PTPRZ1: variants seen among roughly 807,000 people sequenced by gnomAD.
PTPRZ1 encodes protein tyrosine phosphatase receptor type Z1.
Under a neutral mutation model 214.1 loss-of-function variants are expected in PTPRZ1, and 82 were observed. The ratio of observed to expected loss-of-function variants is 0.38; its 90% CI spans 0.32 to 0.46. The LOEUF (loss-of-function observed/expected upper bound fraction) is 0.46, where lower values mean the gene tolerates loss of function less well. Among genes scored for constraint, PTPRZ1 ranks in the 20% least tolerant of loss-of-function variants. The probability of loss-of-function intolerance (pLI) is 1.00; values close to 1 mark genes in which losing one functional copy is unlikely to be tolerated. For synonymous variants in PTPRZ1, 945 were observed against 987.9 expected (o/e 0.96, Z 0.81); for missense variants, 2,603 against 2,748.7 (o/e 0.95, Z 1.19).
At chr7:122,041,509 G>GT (rs1799733366) in intron 21 of PTPRZ1, among the ~76,000 whole-genome samples, 1 of 147,932 alleles carries the variant, frequency 6.8e-6, no homozygotes, top group Admixed American at 6.6e-5. Flanking sequence ...TACATTGAAT[G>GT]TATTGTCAAT....
At position 121,873,303 on chromosome 7, in the gene PTPRZ1, G is replaced by C. The variant is rs1478798359; in HGVS notation, c.-197G>C. 1.5e-5 allele frequency: 8 copies of C among 541,546 alleles called. No homozygotes were observed. Among genetic ancestry groups the C allele is most frequent in the East Asian group, 1.2e-4 (4 of 33,532 alleles). The allele number at this position is 541,546 out of a possible 1,614,324, so 33.5% of individuals were successfully genotyped here. ...TCGCTGTCTCTGACTGTCTCTCTCT[G>C]TCTCTGTCTCTGTCTCTCTCTCTCT... On this transcript the variant is annotated 5_prime_UTR_variant, in exon 1 of 30. Coordinates refer to ENST00000393386, the MANE Select transcript of PTPRZ1 (RefSeq NM_002851.3).
At chr7:121,971,687 A>G (rs186161372) in intron 3 of PTPRZ1, among the ~76,000 whole-genome samples, 22 of 152,312 alleles carry the variant, frequency 1.4e-4, no homozygotes, top group Admixed American at 2.0e-4. Flanking sequence ...TTCATGGTAC[A>G]TCGTAAGTGA....
intron 13 of PTPRZ1, among the ~76,000 whole-genome samples, chr7:122,023,945 A>G (rs1799130347): frequency 6.6e-6 from 1 of 150,720 alleles, no homozygotes; most frequent in South Asian, 2.1e-4. Context: ...CGTAAACCAA[A>G]TAATCAGATT....
intron 12 of PTPRZ1, 72 bp downstream of exon 12, chr7:122,013,961 A>G: frequency 1.5e-6 from 2 of 1,307,254 alleles, no homozygotes; most frequent in Non-Finnish European, 2.1e-6. Context: ...TGAAAATTAT[A>G]GAAAGATAGA....
intron 1 of PTPRZ1, among the ~76,000 whole-genome samples, chr7:121,925,289 C>T (rs1247822419): frequency 3.3e-5 from 5 of 152,080 alleles, no homozygotes; most frequent in Non-Finnish European, 4.4e-5. Flanking sequence ...CTCTTAACCC[C>T]GGAATTTAAC....
At chr7:122,026,251 C>G (rs1359447392) in intron 13 of PTPRZ1, among the ~76,000 whole-genome samples, 1 of 152,158 alleles carries the variant, frequency 6.6e-6, no homozygotes, top group East Asian at 1.9e-4. Context: ...GTTAGAGATG[C>G]TGTTGAAGGG....
chr7:122,041,284 T>C (rs1799724441), intron 21 of PTPRZ1, among the ~76,000 whole-genome samples: 2 of 152,198 alleles, frequency 1.3e-5, no homozygotes. Flanking sequence ...GTTAAACAAA[T>C]ATTTACCTCA....
intron 23 of PTPRZ1, among the ~76,000 whole-genome samples, chr7:122,045,217 A>G (rs983391312): frequency 1.3e-5 from 2 of 152,126 alleles, no homozygotes; most frequent in African/African-American, 4.8e-5. Context: ...GTAGCTTTCC[A>G]CAGGAATGGG....
chr7:121,887,615 A>G (rs1176384031), intron 1 of PTPRZ1, among the ~76,000 whole-genome samples: 3 of 152,156 alleles, frequency 2.0e-5, no homozygotes, highest in Non-Finnish European at 4.4e-5. Context: ...GAGTTTTAAG[A>G]AAGAAAATTA....
At chr7:122,004,167 A>G (rs1305072096) in intron 10 of PTPRZ1, among the ~76,000 whole-genome samples, 8 of 152,216 alleles carry the variant, frequency 5.3e-5, no homozygotes, top group African/African-American at 1.9e-4. Context: ...TTGCTAAATA[A>G]GAAAATAAAT....
In PTPRZ1 at chr7:122,012,453, G is replaced by T; in HGVS notation, c.3407G>T (p.Gly1136Val). The change falls in exon 12 of 30, where the codon GGT becomes GTT. Residue 1136 changes from glycine (G) to valine (V), a missense_variant. Gly to Val is a moderately radical substitution (Grantham distance 109). Transcript: ENST00000393386. ...QPTHTVSQAS[G>V]DTSLKPVLSA... ...ACACATACTGTCTCTCAAGCATCTG[G>T]TGACACTTCGCTTAAACCTGTGCTT... is the stretch of plus-strand genomic sequence containing the variant. The T allele has an allele frequency of 6.2e-7, 1 of 1,613,478 alleles. No homozygotes were observed. The highest frequency in any genetic ancestry group is 8.5e-7 in the Non-Finnish European group (1 of 1,179,546).
At position 122,010,366 on chromosome 7, in the gene PTPRZ1, C is replaced by A. The variant is rs181971807; in HGVS notation, c.1320C>A (p.Gly440=). The A allele has an allele frequency of 2.5e-6, 4 of 1,611,890 alleles. No individual in the cohort carries two copies. Among genetic ancestry groups the A allele is most frequent in the Non-Finnish European group, 3.4e-6 (4 of 1,179,314 alleles). The change falls in exon 12 of 30, where the codon GGC becomes GGA. Residue 440 remains glycine, a synonymous_variant. Transcript: ENST00000393386. The stretch of plus-strand genomic sequence containing the variant: ...AAGAGGGAAAAGACATTGAAGAAGG[C>A]GCTATTGTGAATCCTGGTAGAGACA... ...EEEEGKDIEE[G]AIVNPGRDSA... is the part of the protein sequence containing the mutation.
In PTPRZ1 at chr7:122,010,761, G is replaced by A. The variant is rs781717649; in HGVS notation, c.1715G>A (p.Ser572Asn). ...TVSITEYEEE[S>N]LLTSFKLDTG... ...TCTATAACAGAATATGAGGAGGAGAGTTTATTGACCAGTTTCAAGCTTGAT... is the reference window on the plus strand; with the variant it reads ...TCTATAACAGAATATGAGGAGGAGAATTTATTGACCAGTTTCAAGCTTGAT... The change falls in exon 12 of 30, where the codon AGT becomes AAT. Residue 572 changes from serine to asparagine, a missense_variant. Physicochemically the swap from Ser to Asn is conservative, Grantham distance 46. This residue lies in a region of PTPRZ1 where 1,913 missense variants were observed against 1,914.3 expected (regional missense o/e 1.00). Transcript: ENST00000393386. 1.9e-6 allele frequency: 3 copies of A among 1,613,934 alleles called. No homozygotes were observed. The highest frequency in any genetic ancestry group is 3.3e-5 in the Admixed American group (2 of 59,996).
chr7:121,890,319 CCTTGGAGCCACTTTT>C (rs1477648101), intron 1 of PTPRZ1, among the ~76,000 whole-genome samples: 1 of 152,168 alleles, frequency 6.6e-6, no homozygotes, highest in Non-Finnish European at 1.5e-5. Flanking sequence ...AGGACAAAAA[CCTTGGAGCCACTTTT>C]AATTCTTCCA....
chr7:121,921,526 G>A (rs1795596063), intron 1 of PTPRZ1, among the ~76,000 whole-genome samples: 1 of 152,008 alleles, frequency 6.6e-6, no homozygotes, highest in Admixed American at 6.6e-5. Flanking sequence ...TAGTGCCTCA[G>A]GCATCTACTT....
chr7:121,947,840 C>A (rs1208250892), intron 2 of PTPRZ1, among the ~76,000 whole-genome samples: 2 of 151,926 alleles, frequency 1.3e-5, no homozygotes, highest in Non-Finnish European at 2.9e-5. Flanking sequence ...ATAAGTGATT[C>A]CTTTTAATGT....
intron 2 of PTPRZ1, among the ~76,000 whole-genome samples, chr7:121,959,642 T>A (rs1796816768): frequency 6.6e-6 from 1 of 152,204 alleles, no homozygotes; most frequent in Non-Finnish European, 1.5e-5. Context: ...GGAAGCCCCT[T>A]TTTTCAAACA....
At chr7:122,051,575 G>T (rs1792186779) in intron 24 of PTPRZ1, 54 bp downstream of exon 24, 4 of 1,488,366 alleles carry the variant, frequency 2.7e-6, no homozygotes, top group Non-Finnish European at 3.7e-6. Flanking sequence ...TAAAAGCCTT[G>T]TAGGAAATTT....
intron 2 of PTPRZ1, among the ~76,000 whole-genome samples, chr7:121,965,452 C>A (rs1470976582): frequency 1.3e-5 from 2 of 152,116 alleles, no homozygotes; most frequent in African/African-American, 4.8e-5. Context: ...CTCCCAGAGG[C>A]AGGTCTCAGT....
Sources: allele counts gnomAD v4.1 joint callset (sites outside exome capture counted in the v4.1 genomes callset), GRCh38; gene constraint gnomAD v4.1.1; regional missense constraint gnomAD v4.1.1; transcripts MANE v1.5; gene names NCBI Gene and HGNC (gene_info 2026-07-23, HGNC 2026-07-21).